Variants in BPI observed in about 807,000 individuals in gnomAD.
BPI encodes the protein bactericidal permeability-increasing protein.
BPI carries 48 observed loss-of-function variants against 57.6 expected under a neutral mutation model. The ratio of observed to expected loss-of-function variants is 0.83; its 90% CI spans 0.66 to 1.06. BPI has a LOEUF of 1.06. Among genes scored for constraint, BPI ranks in the 50% least tolerant of loss-of-function variants. The probability of loss-of-function intolerance (pLI) is 0.00; values close to 1 mark genes in which losing one functional copy is unlikely to be tolerated. For missense variants in BPI, 651 were observed against 609.7 expected (o/e 1.07, Z -0.71); for synonymous variants, 237 against 238.2 (o/e 0.99, Z 0.05).
In BPI at chr20:38,323,747, G is replaced by C. The variant is rs889373581; in HGVS notation, c.757-123G>C. On this transcript the variant is annotated intron_variant, in intron 7 of 14. Coordinates refer to ENST00000642449, the MANE Select transcript of BPI (RefSeq NM_001725.3). Reference sequence around the variant, plus strand: ...GCTTTTGATGCTACTGTTAGTTTCTGGTCATTGCTTTTTCCTTTGCAAGTG... The same window carrying C: ...GCTTTTGATGCTACTGTTAGTTTCTCGTCATTGCTTTTTCCTTTGCAAGTG... 15 of 1,097,898 alleles carry C rather than the reference G, an allele frequency of 1.4e-5. No homozygotes were observed. In the East Asian group the frequency reaches 3.6e-4, roughly 26 times the overall value. 68.0% of individuals were successfully genotyped at this position (1,097,898 alleles called of 1,614,324 possible).
intron 4 of BPI, among the ~76,000 whole-genome samples, chr20:38,311,304 G>T (rs1290891655): frequency 1.3e-5 from 2 of 152,152 alleles, no homozygotes; most frequent in Non-Finnish European, 2.9e-5. Context: ...AGCCCAGTGG[G>T]GAAGACAATC....
At chr20:38,329,008 A>AATAAATAG (rs141395633) in intron 11 of BPI, among the ~76,000 whole-genome samples, 24,177 of 148,186 alleles carry the variant, frequency 0.16, 2,495 homozygotes, top group African/African-American at 0.3. Flanking sequence ...CCTGTCTCTA[A>AATAAATAG]ATAAATAAAT....
At chr20:38,330,875 T>A (rs1409341270) in intron 11 of BPI, among the ~76,000 whole-genome samples, 173 bp from the exon 12 acceptor site, 1 of 152,116 alleles carries the variant, frequency 6.6e-6, no homozygotes, top group African/African-American at 2.4e-5. Flanking sequence ...ATGCAGGGAA[T>A]GTGTGAATTC....
chr20:38,337,090 A>G (rs2076771210), intron 14 of BPI, 56 bp from the exon 15 acceptor site: 2 of 1,559,736 alleles, frequency 1.3e-6, no homozygotes, highest in South Asian at 2.3e-5. Context: ...GTAGCTCCAC[A>G]CTCACAAACA....
At chr20:38,309,455 A>T (rs2076611936) in intron 3 of BPI, among the ~76,000 whole-genome samples, 1 of 152,212 alleles carries the variant, frequency 6.6e-6, no homozygotes, top group Non-Finnish European at 1.5e-5. Context: ...TGGGCTTAGC[A>T]GAGGAGGCTT....
intron 8 of BPI, 99 bp downstream of exon 8, chr20:38,324,145 A>G: frequency 3.6e-6 from 5 of 1,394,692 alleles, no homozygotes; most frequent in Non-Finnish European, 4.8e-6. Flanking sequence ...ACATTGGGGT[A>G]GGTTAAAGTG....
rs775486929 is a variant in BPI at position 38,310,568 on chromosome 20, C to T, written c.452C>T (p.Thr151Met). Residue 151 changes from threonine (T) to methionine (M), a missense_variant, in exon 4 of 15, where the codon ACG (threonine) becomes ATG (methionine). Transcript: ENST00000642449. Reference sequence around the variant, plus strand: ...GATCTGAAGCTGGGCAGTAACCCCACGTCAGGCAAGCCCACCATCACCTGC... The same window carrying T: ...GATCTGAAGCTGGGCAGTAACCCCATGTCAGGCAAGCCCACCATCACCTGC... ...SADLKLGSNP[T>M]SGKPTITCSS... 9.9e-6 allele frequency: 16 copies of T among 1,614,190 alleles called. No individual in the cohort carries two copies. Among genetic ancestry groups the T allele is most frequent in the Middle Eastern group, 1.6e-4 (1 of 6,062 alleles).
At chr20:38,318,135 C>G in intron 5 of BPI, 1 of 775,550 alleles carries the variant, frequency 1.3e-6, no homozygotes, top group Non-Finnish European at 1.6e-6. Context: ...AAAAAAAAAC[C>G]TTATAAAATA....
chr20:38,308,489 A>G (rs1366594889), intron 2 of BPI, among the ~76,000 whole-genome samples: 1 of 152,218 alleles, frequency 6.6e-6, no homozygotes, highest in African/African-American at 2.4e-5. Context: ...TTGAGCACCC[A>G]CTGTGTGTCT....
rs368906856 is a variant in BPI, at chr20:38,326,340, C to T, written c.1069C>T (p.Pro357Ser). ...CACCCCGCCACACCTGTCTGTGCAG[C>T]CCACCGGCCTTACCTTCTACCCTGC... ...ASTPPHLSVQ[P>S]TGLTFYPAVD... is the part of the protein sequence containing the mutation. The change falls in exon 10 of 15, where the codon CCC becomes TCC. Residue 357 changes from proline (P) to serine (S), a missense_variant. By Grantham distance (74) the Pro-to-Ser change is moderately conservative (BLOSUM62 -1). Coordinates refer to ENST00000642449, the MANE Select transcript of BPI (RefSeq NM_001725.3). 4 of 1,614,018 alleles carry T rather than the reference C, an allele frequency of 2.5e-6. No homozygotes were observed. In the African/African-American group the frequency reaches 4.0e-5, roughly 16 times the overall value.
At chr20:38,337,051 G>C in intron 14 of BPI, 95 bp from the exon 15 acceptor site, 1 of 1,303,922 alleles carries the variant, frequency 7.7e-7, no homozygotes, top group Non-Finnish European at 1.1e-6. Context: ...TAAGAGGCAG[G>C]CTCCCAAAAT....
At chr20:38,311,211 A>T (rs955757547) in intron 4 of BPI, among the ~76,000 whole-genome samples, 1 of 152,236 alleles carries the variant, frequency 6.6e-6, no homozygotes, top group Non-Finnish European at 1.5e-5. Context: ...CAATAACTTA[A>T]GTTGCTACAG....
chr20:38,334,574 T>C, intron 13 of BPI, 81 bp downstream of exon 13: 1 of 1,408,858 alleles, frequency 7.1e-7, no homozygotes, highest in Non-Finnish European at 1.0e-6. Context: ...ACCTGTTACC[T>C]GGCCCCAGGT....
intron 10 of BPI, 195 bp downstream of exon 10, chr20:38,326,627 C>T (rs554857338): frequency 7.4e-5 from 40 of 543,848 alleles, no homozygotes; most frequent in East Asian, 3.2e-4. Flanking sequence ...TTCACTAGTG[C>T]GTTTGTTTAC....
In BPI at chr20:38,335,655, T is replaced by C. The variant is rs761496843; in HGVS notation, c.1394T>C (p.Val465Ala). ...CCGGCCAGAGTCCAGCTCTACAACG[T>C]AGTGCTTCAGCCTCACCAGGTGAGT... is the stretch of plus-strand genomic sequence containing the variant. ...PTPARVQLYN[V>A]VLQPHQNFLL... Residue 465 changes from valine to alanine, a missense_variant, in exon 14 of 15, where the codon GTA (valine) becomes GCA (alanine). Transcript: ENST00000642449. 1 of 1,614,158 alleles carries C rather than the reference T, an allele frequency of 6.2e-7. No individual in the cohort carries two copies. The highest frequency in any genetic ancestry group is 1.1e-5 in the South Asian group (1 of 91,080).
intron 2 of BPI, 151 bp from the exon 3 acceptor site, chr20:38,308,779 G>A: frequency 9.3e-7 from 1 of 1,078,052 alleles, no homozygotes; most frequent in Non-Finnish European, 1.3e-6. Context: ...TATCTGCCAA[G>A]CCTGCTTTCT....
At chr20:38,310,397 A>G (rs2076616120) in intron 3 of BPI, 94 bp from the exon 4 acceptor site, 2 of 1,453,868 alleles carry the variant, frequency 1.4e-6, no homozygotes, top group South Asian at 2.6e-5. Flanking sequence ...TGGAGTGGGG[A>G]TAATAACAAA....
In BPI at chr20:38,327,578, G is replaced by T; in HGVS notation, c.1162-10G>T. The T allele has an allele frequency of 2.5e-6, 4 of 1,612,780 alleles. No homozygotes were observed. The highest frequency in any genetic ancestry group is 3.4e-6 in the Non-Finnish European group (4 of 1,179,444). On this transcript the variant is annotated splice_polypyrimidine_tract_variant and intron_variant, in intron 10 of 14. Transcript: ENST00000642449. ...TCAGGGCACTTCACCCTGGGTTGTT[G>T]TTTTGGCAGCACACAACTGGTTCCA... is the stretch of plus-strand genomic sequence containing the variant.
intron 1 of BPI, among the ~76,000 whole-genome samples, chr20:38,306,390 G>A (rs1422479328): frequency 6.6e-6 from 1 of 152,214 alleles, no homozygotes; most frequent in Non-Finnish European, 1.5e-5. Flanking sequence ...GAATGTAAGG[G>A]ACACACGAGT....
Sources: gnomAD v4.1 joint callset for allele counts (sites outside exome capture counted in the v4.1 genomes callset) on GRCh38, gnomAD v4.1.1 for gene constraint, MANE v1.5 for transcripts, NCBI Gene and HGNC (gene_info 2026-07-23, HGNC 2026-07-21) for gene names.